The following DCDC2 variants were observed in gnomAD, a reference collection of about 807,000 sequenced individuals.
DCDC2 encodes the protein doublecortin domain containing 2.
Under a neutral mutation model 50.2 loss-of-function variants are expected in DCDC2, and 40 were observed. The ratio of observed to expected loss-of-function variants is 0.80; its 90% confidence interval spans 0.62 to 1.04. The LOEUF (loss-of-function observed/expected upper bound fraction) is 1.04, where lower values mean the gene tolerates loss of function less well. Among genes scored for constraint, DCDC2 ranks in the 50% least tolerant of loss-of-function variants. DCDC2 has a pLI of 0.00. For synonymous variants in DCDC2, 234 were observed against 210.6 expected, an observed-to-expected ratio of 1.11 and a Z score of -0.96; for missense variants, 570 against 581.9, an observed-to-expected ratio of 0.98 and a Z score of 0.21.
chr6:24,339,141 CAT>C (rs1174600631), intron 2 of DCDC2, among the ~76,000 whole-genome samples: 6 of 152,026 alleles, frequency 3.9e-5, no homozygotes, highest in Non-Finnish European at 7.4e-5. Flanking sequence ...GACATTCACA[CAT>C]GTCATCTCCT....
At chr6:24,310,730 T>C (rs1186685578) in intron 2 of DCDC2, among the ~76,000 whole-genome samples, 1 of 152,210 alleles carries the variant, frequency 6.6e-6, no homozygotes, top group Non-Finnish European at 1.5e-5. Flanking sequence ...AGTCTGTCTA[T>C]ACCTAAACAG....
intron 4 of DCDC2, among the ~76,000 whole-genome samples, chr6:24,294,065 A>G (rs748959434): frequency 1.9e-4 from 29 of 152,244 alleles, no homozygotes; most frequent in Non-Finnish European, 3.5e-4. Flanking sequence ...AAATGCCCAC[A>G]TCAAAAAGTT....
At chr6:24,236,151 G>A (rs897710377) in intron 7 of DCDC2, among the ~76,000 whole-genome samples, 1 of 151,920 alleles carries the variant, frequency 6.6e-6, no homozygotes, top group Admixed American at 6.6e-5. Context: ...CTAAGAAAAA[G>A]AACAAACCTG....
upstream of DCDC2, among the ~76,000 whole-genome samples, chr6:24,358,924 T>C (rs755630811): frequency 8.3e-4 from 46 of 55,556 alleles, 1 homozygote; most frequent in South Asian, 3.1e-3. Context: ...ATATATATTA[T>C]ATATTATATA....
At chr6:24,261,704 G>T (rs576552677) in intron 7 of DCDC2, among the ~76,000 whole-genome samples, 1 of 151,842 alleles carries the variant, frequency 6.6e-6, no homozygotes, top group African/African-American at 2.4e-5. Flanking sequence ...CCTAATTTCC[G>T]AGGTCAATTC....
intron 7 of DCDC2, among the ~76,000 whole-genome samples, chr6:24,242,757 T>G (rs1012672775): frequency 6.6e-6 from 1 of 151,116 alleles, no homozygotes; most frequent in African/African-American, 2.4e-5. Context: ...AGGCCAGGAG[T>G]TCGAGAACAG....
chr6:24,207,256 T>TCTCTCTCTCTCTCTCTCTC (rs1761735602), intron 7 of DCDC2, among the ~76,000 whole-genome samples: 2 of 129,606 alleles, frequency 1.5e-5, no homozygotes, highest in African/African-American at 2.8e-5. Context: ...CCATCTATCT[T>TCTCTCTCTCTCTCTCTCTC]TCTCTCTCTC....
chr6:24,380,872 C>T, the DCDC2 span, among the ~76,000 whole-genome samples: 1 of 151,924 alleles, frequency 6.6e-6, no homozygotes, highest in African/African-American at 2.4e-5. Flanking sequence ...GGGCTTGAGC[C>T]CAGGAATTCA....
At chr6:24,233,766 C>A (rs1762382672) in intron 7 of DCDC2, among the ~76,000 whole-genome samples, 1 of 152,106 alleles carries the variant, frequency 6.6e-6, no homozygotes, top group African/African-American at 2.4e-5. Context: ...AAGAAAACAT[C>A]AAACATATAT....
intron 8 of DCDC2, among the ~76,000 whole-genome samples, chr6:24,204,287 C>A (rs1761658258): frequency 6.6e-6 from 1 of 152,118 alleles, no homozygotes; most frequent in African/African-American, 2.4e-5. Context: ...AACATATACA[C>A]CACGGAATAC....
At chr6:24,254,419 A>G (rs1402072000) in intron 7 of DCDC2, among the ~76,000 whole-genome samples, 1 of 152,096 alleles carries the variant, frequency 6.6e-6, no homozygotes, top group Non-Finnish European at 1.5e-5. Flanking sequence ...TTATACAATC[A>G]CCACAAACAC....
chr6:24,173,151 C>T lies in DCDC2; in HGVS notation c.*1579G>A, dbSNP rs932179113. ...TAGATTTTACACCAGAAACATAGTA[C>T]CCTGTTTCTAATTCATGCTCCCAGA... On this transcript the variant is annotated 3_prime_UTR_variant, in exon 10 of 10. Transcript: ENST00000378454. 5 of 152,034 alleles carry T rather than the reference C, an allele frequency of 3.3e-5. No homozygotes were observed. Among genetic ancestry groups the T allele is most frequent in the African/African-American group, 1.2e-4 (5 of 41,512 alleles). 9.4% of individuals were successfully genotyped at this position (152,034 alleles called of 1,614,324 possible). A position where few individuals can be genotyped will look rare whatever the true frequency, so the allele number is the denominator to read the frequency against.
At chr6:24,335,107 A>T (rs369449442) in intron 2 of DCDC2, among the ~76,000 whole-genome samples, 1 of 152,348 alleles carries the variant, frequency 6.6e-6, no homozygotes, top group East Asian at 1.9e-4. Context: ...GTAAACTATC[A>T]GTCATCTCAA....
At chr6:24,289,968 CTTCTTTTTTTTTTTTTT>C (rs1763704518) in intron 5 of DCDC2, among the ~76,000 whole-genome samples, 1 of 100,824 alleles carries the variant, frequency 9.9e-6, no homozygotes, top group African/African-American at 3.7e-5. Context: ...GGCCAGAGCT[CTTCTTTTTTTTTTTTTT>C]TTTTTTTTTT....
intron 9 of DCDC2, among the ~76,000 whole-genome samples, chr6:24,177,217 G>C (rs1760941912): frequency 6.6e-6 from 1 of 152,170 alleles, no homozygotes; most frequent in Non-Finnish European, 1.5e-5. Context: ...ATTTCTTATA[G>C]AATAGGACTA....
Position 24,172,249 on chromosome 6 carries a change from G to A in DCDC2, c.*2481C>T, listed in dbSNP as rs1283846393. ...TTTTTTAGTAACATGTTTGCAAAGT[G>A]TCTTAAAGTGATAAGTCGTTATTCA... On this transcript the variant is annotated 3_prime_UTR_variant, in exon 10 of 10. Transcript: ENST00000378454. 6.6e-6 allele frequency: 1 copy of A among 152,158 alleles called. No homozygotes were observed. The highest frequency in any genetic ancestry group is 2.4e-5 in the African/African-American group (1 of 41,426). The allele number at this position is 152,158 out of a possible 1,614,324, so 9.4% of individuals were successfully genotyped here. A position where few individuals can be genotyped will look rare whatever the true frequency, so the allele number is the denominator to read the frequency against.
chr6:24,245,971 C>T (rs189545893), intron 7 of DCDC2, among the ~76,000 whole-genome samples: 135 of 152,192 alleles, frequency 8.9e-4, no homozygotes, highest in African/African-American at 3.2e-3. Context: ...TATTAGTGAT[C>T]TGAGAGGATA....
At chr6:24,278,321 T>C (rs1288023919) in intron 6 of DCDC2, 110 bp from the exon 7 acceptor site, 1 of 973,270 alleles carries the variant, frequency 1.0e-6, no homozygotes, top group Non-Finnish European at 1.5e-6. Context: ...CAGGGAGGTG[T>C]ATTGTCCTGG....
intron 6 of DCDC2, among the ~76,000 whole-genome samples, chr6:24,284,166 A>C (rs1031715967): frequency 1.8e-4 from 28 of 152,168 alleles, no homozygotes; most frequent in South Asian, 6.2e-4. Flanking sequence ...ATATACTCAA[A>C]GAAGAGTTAT....
Sources: gnomAD v4.1 joint callset for allele counts (sites outside exome capture counted in the v4.1 genomes callset) on GRCh38, gnomAD v4.1.1 for gene constraint, MANE v1.5 for transcripts, NCBI Gene and HGNC (gene_info 2026-07-23, HGNC 2026-07-21) for gene names.